The following RGSL1 variants were observed in gnomAD, a reference collection of about 807,000 sequenced individuals.
RGSL1 encodes regulator of G protein signaling like 1, also known as regulator of G protein signaling protein-like.
RGSL1 carries 97 observed loss-of-function variants against 124.7 expected under a neutral mutation model. That is an observed-to-expected ratio of 0.78 (90% CI 0.66 to 0.92). RGSL1 has a LOEUF of 0.92. RGSL1 is among the 40% of genes least tolerant of loss of function. The pLI is 0.00. For missense variants in RGSL1, 1,233 were observed against 1,288.4 expected, an observed-to-expected ratio of 0.96 and a Z score of 0.66; for synonymous variants, 424 against 438.1, an observed-to-expected ratio of 0.97 and a Z score of 0.40.
At chr1:182,552,800 A>T (rs1660649126) in intron 18 of RGSL1, among the ~76,000 whole-genome samples, 1 of 152,320 alleles carries the variant, frequency 6.6e-6, no homozygotes. Flanking sequence ...AGAGAGTGTG[A>T]GAGAGAATAA....
chr1:182,543,727 C>A (rs185811565), intron 15 of RGSL1, among the ~76,000 whole-genome samples: 104 of 152,034 alleles, frequency 6.8e-4, no homozygotes, highest in Non-Finnish European at 1.0e-3. Context: ...ATTATCTGTT[C>A]ATTTGAGTTT....
chr1:182,483,501 A>G lies in RGSL1; in HGVS notation c.1432-4784A>G, dbSNP rs71632146. Among the ~76,000 whole-genome samples, 391 of 152,308 alleles carry G rather than the reference A, an allele frequency of 2.6e-3. 1 individual carries two copies. Among genetic ancestry groups the G allele is most frequent in the South Asian group, 5.6e-3 (27 of 4,826 alleles). ...TATATAAAATAAATGTAAAATTCTC[A>G]TAATGTATATGAATACGTGTGTGCA... On this transcript the variant is annotated intron_variant, in intron 6 of 21. Coordinates refer to ENST00000294854, the MANE Select transcript of RGSL1 (RefSeq NM_001137669.2).
At chr1:182,502,556 A>G (rs956120343) in intron 9 of RGSL1, among the ~76,000 whole-genome samples, 1 of 152,206 alleles carries the variant, frequency 6.6e-6, no homozygotes, top group African/African-American at 2.4e-5. Context: ...AGCCTGGACA[A>G]CAGAGTTAGA....
chr1:182,535,616 G>C (rs1356857268), intron 14 of RGSL1, among the ~76,000 whole-genome samples: 1 of 152,016 alleles, frequency 6.6e-6, no homozygotes, highest in Non-Finnish European at 1.5e-5. Flanking sequence ...ACCAAATATG[G>C]CATAGTGCCT....
chr1:182,467,741 G>C (rs981633841), intron 4 of RGSL1, among the ~76,000 whole-genome samples: 1 of 152,062 alleles, frequency 6.6e-6, no homozygotes, highest in Admixed American at 6.6e-5. Flanking sequence ...CAAAAGCAAT[G>C]GCAATAAAAG....
chr1:182,459,047 T>A (rs1652586170), intron 3 of RGSL1, among the ~76,000 whole-genome samples: 1 of 152,196 alleles, frequency 6.6e-6, no homozygotes, highest in African/African-American at 2.4e-5. Context: ...TAAGGGCACT[T>A]CTAAGCAAGA....
At chr1:182,499,269 G>A (rs2102139581) in intron 9 of RGSL1, among the ~76,000 whole-genome samples, 1 of 152,224 alleles carries the variant, frequency 6.6e-6, no homozygotes, top group African/African-American at 2.4e-5. Flanking sequence ...CCATCAGTGG[G>A]GTGTTGAAGT....
intron 4 of RGSL1, among the ~76,000 whole-genome samples, chr1:182,470,200 A>G (rs998216117): frequency 5.9e-5 from 9 of 152,126 alleles, no homozygotes; most frequent in African/African-American, 2.2e-4. Flanking sequence ...AAAATATTGG[A>G]AAAAAATGTA....
chr1:182,556,785 C>T (rs1027876523), intron 21 of RGSL1, among the ~76,000 whole-genome samples: 1 of 151,880 alleles, frequency 6.6e-6, no homozygotes, highest in Non-Finnish European at 1.5e-5. Context: ...AAACTATTGT[C>T]ATAATTTTAA....
chr1:182,549,947 T>C (rs1660457894), intron 17 of RGSL1: 1 of 152,202 alleles, frequency 6.6e-6, no homozygotes, highest in Admixed American at 6.5e-5. Flanking sequence ...GGGAAATATA[T>C]GCTTCTCTTG....
rs759700608 is a variant in RGSL1 at position 182,474,299 on chromosome 1, G to A, written c.1188G>A (p.Glu396=). 1.3e-6 allele frequency: 2 copies of A among 1,551,670 alleles called. No individual in the cohort carries two copies. The highest frequency in any genetic ancestry group is 4.9e-5 in the East Asian group (2 of 40,932). Residue 396 remains glutamate, a synonymous_variant, in exon 6 of 22, where the codon GAG becomes GAA. Transcript: ENST00000294854. Reference sequence around the variant, plus strand: ...TGAAGAAGCTGAATTTGAAAGTGGAGATCCAACTTCTTGACCTCTGGCAGG... The same window carrying A: ...TGAAGAAGCTGAATTTGAAAGTGGAAATCCAACTTCTTGACCTCTGGCAGG... ...DHLKKLNLKV[E]IQLLDLWQDL...
chr1:182,536,282 G>A (rs1020363103), intron 14 of RGSL1, among the ~76,000 whole-genome samples: 37 of 152,138 alleles, frequency 2.4e-4, no homozygotes, highest in African/African-American at 8.2e-4. Context: ...TATTTGCATG[G>A]ACATATGTTA....
chr1:182,467,287 C>CA (rs1327043038), intron 4 of RGSL1, among the ~76,000 whole-genome samples: 2 of 152,012 alleles, frequency 1.3e-5, no homozygotes, highest in Non-Finnish European at 2.9e-5. Flanking sequence ...CATATGGAAC[C>CA]AAAAAAGAGC....
At chr1:182,497,470 GA>G (rs572527574) in intron 9 of RGSL1, among the ~76,000 whole-genome samples, 11 of 150,566 alleles carry the variant, frequency 7.3e-5, no homozygotes, top group South Asian at 4.2e-4. Context: ...CTAACTTATA[GA>G]AAAAAAAGTA....
chr1:182,458,334 C>G lies in RGSL1; in HGVS notation c.112C>G (p.Pro38Ala), dbSNP rs1433764885. ...TGTTTTGCAGGTTTTTGGTCAGACA[C>G]CATTTTATACTGTTGAAAATTCACA... ...FLSLPVFGQTPFYTVENSQWS... is the reference protein window; with the variant it reads ...FLSLPVFGQTAFYTVENSQWS... The change falls in exon 3 of 22, where the codon CCA (proline) becomes GCA (alanine). Residue 38 changes from proline (P) to alanine (A), a missense_variant. Coordinates refer to ENST00000294854, the MANE Select transcript of RGSL1 (RefSeq NM_001137669.2). The G allele has an allele frequency of 6.4e-7, 1 of 1,551,926 alleles. No individual in the cohort carries two copies. Among genetic ancestry groups the G allele is most frequent in the Non-Finnish European group, 8.7e-7 (1 of 1,146,960 alleles).
At chr1:182,482,910 G>A (rs1345506064) in intron 6 of RGSL1, among the ~76,000 whole-genome samples, 1 of 152,178 alleles carries the variant, frequency 6.6e-6, no homozygotes, top group East Asian at 1.9e-4. Context: ...AAAATGTGGT[G>A]TATATGATGC....
intron 18 of RGSL1, among the ~76,000 whole-genome samples, chr1:182,552,716 G>A (rs1660642069): frequency 6.6e-6 from 1 of 152,200 alleles, no homozygotes; most frequent in Admixed American, 6.5e-5. Context: ...GGACGGGGAA[G>A]TCCAAGAGCA....
Position 182,505,388 on chromosome 1 carries a change from T to C in RGSL1, c.1825+12259T>C, listed in dbSNP as rs968742116. ...CTGATGTGGAGATTGGTGGTGGGGGTATGTGGACAATTTAAAATGCCACAC... is the reference window on the plus strand; with the variant it reads ...CTGATGTGGAGATTGGTGGTGGGGGCATGTGGACAATTTAAAATGCCACAC... On this transcript the variant is annotated intron_variant, in intron 9 of 21. Transcript: ENST00000294854. Among the ~76,000 whole-genome samples, 4 of 142,960 alleles carry C rather than the reference T, an allele frequency of 2.8e-5. No individual in the cohort carries two copies. The East Asian group carries it at 6.0e-4, about 22-fold the overall frequency. 93.8% of individuals were successfully genotyped at this position (142,960 alleles called of 152,430 possible). A position where few individuals can be genotyped will look rare whatever the true frequency, so the allele number is the denominator to read the frequency against.
chr1:182,548,724 G>C lies in RGSL1; in HGVS notation c.2833G>C (p.Asp945His). ...GGTGAATGTCCCTGAGTTCCAGAAG[G>C]ATGCCATCCTTGCTGCCATCACAGA... ...LRVNVPEFQK[D>H]AILAAITEGY... The change falls in exon 17 of 22, where the codon GAT (aspartate) becomes CAT (histidine). Residue 945 changes from aspartate (D) to histidine (H), a missense_variant. Coordinates refer to ENST00000294854, the MANE Select transcript of RGSL1 (RefSeq NM_001137669.2). 1 of 1,551,622 alleles carries C rather than the reference G, an allele frequency of 6.4e-7. No homozygotes were observed. The highest frequency in any genetic ancestry group is 2.4e-5 in the East Asian group (1 of 40,908).
Sources: allele counts gnomAD v4.1 joint callset (sites outside exome capture counted in the v4.1 genomes callset), GRCh38; gene constraint gnomAD v4.1.1; transcripts MANE v1.5; gene names NCBI Gene and HGNC (gene_info 2026-07-23, HGNC 2026-07-21).